Variants in SIL1 observed in about 807,000 individuals in gnomAD.
SIL1 encodes the protein SIL1 nucleotide exchange factor.
Under a neutral mutation model 49.1 loss-of-function variants are expected in SIL1, and 40 were observed. The ratio of observed to expected loss-of-function variants is 0.81; its 90% CI spans 0.63 to 1.06. The LOEUF (loss-of-function observed/expected upper bound fraction) is 1.06, where lower values mean the gene tolerates loss of function less well. Among genes scored for constraint, SIL1 ranks in the 50% least tolerant of loss-of-function variants. The pLI is 0.00. For missense variants in SIL1, 500 were observed against 572.6 expected, an observed-to-expected ratio of 0.87 and a Z score of 1.29; for synonymous variants, 253 against 250.8, an observed-to-expected ratio of 1.01 and a Z score of -0.08.
chr5:138,948,057 G>C lies in SIL1; in HGVS notation c.1030-584C>G, dbSNP rs1432129727. Among the ~76,000 whole-genome samples the C allele has an allele frequency of 1.3e-5, 2 of 152,206 alleles. No homozygotes were observed. The highest frequency in any genetic ancestry group is 3.9e-4 in the East Asian group (2 of 5,182). The stretch of plus-strand genomic sequence containing the variant: ...GAAGGTCAGAGGTAGAGGGTTGGGA[G>C]GGGGCAGAGATCTCCCGTGCAGCTG... On this transcript the variant is annotated intron_variant, in intron 9 of 9. Transcript: ENST00000394817. The surrounding 1 kb of genome is among the most constrained non-coding windows in gnomAD (Gnocchi z 4.8).
At chr5:139,134,848 A>G (rs907218587) in intron 1 of SIL1, among the ~76,000 whole-genome samples, 1 of 152,184 alleles carries the variant, frequency 6.6e-6, no homozygotes, top group Non-Finnish European at 1.5e-5. Context: ...ACACACATTC[A>G]TTACTATTTA....
At chr5:138,961,621 G>A (rs1019179282) in intron 7 of SIL1, among the ~76,000 whole-genome samples, 9 of 151,966 alleles carry the variant, frequency 5.9e-5, no homozygotes, top group Non-Finnish European at 1.0e-4. Context: ...CACTGTTCTC[G>A]GAGGTTGCAT....
At chr5:139,056,745 C>T (rs913374143) in intron 3 of SIL1, among the ~76,000 whole-genome samples, 2 of 151,552 alleles carry the variant, frequency 1.3e-5, no homozygotes, top group Admixed American at 6.6e-5. Flanking sequence ...AGGTGAGGGG[C>T]GCCTCTGCCT....
At chr5:139,128,047 TA>T in intron 1 of SIL1, 194 bp from the exon 2 acceptor site, 1 of 613,572 alleles carries the variant, frequency 1.6e-6, no homozygotes, top group East Asian at 3.4e-5. Context: ...CAACAAGAGA[TA>T]TGCCCTGGGT....
intron 7 of SIL1, among the ~76,000 whole-genome samples, chr5:138,990,459 TTTTTA>T (rs1256695527): frequency 6.6e-6 from 1 of 152,204 alleles, no homozygotes; most frequent in African/African-American, 2.4e-5. Flanking sequence ...TCCAGCTGGC[TTTTTA>T]TTTATTTTGA....
Position 138,947,291 on chromosome 5 carries a change from G to C in SIL1, c.1212C>G (p.Leu404=). 1 of 1,613,494 alleles carries C rather than the reference G, an allele frequency of 6.2e-7. No homozygotes were observed. The highest frequency in any genetic ancestry group is 8.5e-7 in the Non-Finnish European group (1 of 1,180,024). The change falls in exon 10 of 10, where the codon CTC becomes CTG. Residue 404 remains leucine, a synonymous_variant. Coordinates refer to ENST00000394817, the MANE Select transcript of SIL1 (RefSeq NM_022464.5). The surrounding 1 kb of genome is among the most constrained non-coding windows in gnomAD (Gnocchi z 4.1). ...GGTAGCGGTCCCGGCAGGTGGTCAG[G>C]AGGACGCCCAGTGTCTGCAGCACCT... ...REKVLQTLGV[L]LTTCRDRYRQ...
chr5:139,145,620 G>A (rs1268506025), intron 1 of SIL1, among the ~76,000 whole-genome samples: 27 of 134,820 alleles, frequency 2.0e-4, no homozygotes, highest in African/African-American at 7.2e-4. Flanking sequence ...GTGGGTGTGG[G>A]TGTGGGGGCG....
intron 7 of SIL1, among the ~76,000 whole-genome samples, chr5:139,003,431 G>A (rs574105035): frequency 2.6e-4 from 39 of 152,172 alleles, no homozygotes; most frequent in Non-Finnish European, 5.3e-4. Context: ...TGAGGGAGAC[G>A]TCTTATGTGA....
intron 3 of SIL1, among the ~76,000 whole-genome samples, chr5:139,075,816 C>G (rs1217339825): frequency 6.6e-6 from 1 of 152,184 alleles, no homozygotes; most frequent in Non-Finnish European, 1.5e-5. Flanking sequence ...ATGACAGAAT[C>G]TGCAATGACC....
intron 1 of SIL1, among the ~76,000 whole-genome samples, chr5:139,159,852 A>G (rs1751474070): frequency 6.6e-6 from 1 of 152,176 alleles, no homozygotes; most frequent in Non-Finnish European, 1.5e-5. Flanking sequence ...CTTACTCAGG[A>G]TTTAAGAAAG....
At chr5:139,056,944 T>C (rs980158561) in intron 3 of SIL1, among the ~76,000 whole-genome samples, 32 of 152,042 alleles carry the variant, frequency 2.1e-4, no homozygotes, top group African/African-American at 7.0e-4. Context: ...GAAGTAGACA[T>C]GGGAGACTTT....
intron 1 of SIL1, among the ~76,000 whole-genome samples, chr5:139,189,173 A>G (rs924445574): frequency 1.3e-5 from 2 of 152,060 alleles, no homozygotes; most frequent in African/African-American, 2.4e-5. Flanking sequence ...GGGGTCCCAA[A>G]CCCCCGATAC....
chr5:139,139,885 T>C (rs1307140329), intron 1 of SIL1, among the ~76,000 whole-genome samples: 2 of 151,978 alleles, frequency 1.3e-5, no homozygotes, highest in Non-Finnish European at 2.9e-5. Context: ...TCCCAAAACT[T>C]TGGGAGGCTG....
chr5:139,060,750 C>T (rs963763627), intron 3 of SIL1, among the ~76,000 whole-genome samples: 2 of 152,118 alleles, frequency 1.3e-5, no homozygotes, highest in African/African-American at 4.8e-5. Flanking sequence ...CTATCAGACA[C>T]AGTTCAATGT....
intron 1 of SIL1, among the ~76,000 whole-genome samples, chr5:139,189,606 G>C (rs189027410): frequency 1.4e-4 from 21 of 152,346 alleles, no homozygotes; most frequent in Admixed American, 3.3e-4. Context: ...TGGATCACCT[G>C]AGGTCAGGAG....
chr5:138,968,025 C>A (rs149381835), intron 7 of SIL1, among the ~76,000 whole-genome samples: 1 of 152,210 alleles, frequency 6.6e-6, no homozygotes, highest in African/African-American at 2.4e-5. Context: ...CAAGTCTTAA[C>A]CTGGAAGGGA....
At chr5:138,951,471 G>T in intron 8 of SIL1, 136 bp from the exon 9 acceptor site, 1 of 896,154 alleles carries the variant, frequency 1.1e-6, no homozygotes, top group Non-Finnish European at 1.7e-6. Flanking sequence ...CTATACCCCA[G>T]AACCCAGGAC....
At chr5:139,072,973 C>A (rs1769868906) in intron 3 of SIL1, among the ~76,000 whole-genome samples, 1 of 152,120 alleles carries the variant, frequency 6.6e-6, no homozygotes, top group Admixed American at 6.5e-5. Context: ...CATCACTAAT[C>A]ATCAGGGAAA....
At chr5:139,003,072 C>A (rs990830093) in intron 7 of SIL1, among the ~76,000 whole-genome samples, 5 of 152,124 alleles carry the variant, frequency 3.3e-5, no homozygotes, top group Admixed American at 2.6e-4. Context: ...TGGGGGACAG[C>A]AGCCCAAGGC....
Sources: allele counts gnomAD v4.1 joint callset (sites outside exome capture counted in the v4.1 genomes callset), GRCh38; gene constraint gnomAD v4.1.1; non-coding constraint Gnocchi (gnomAD v3.1); transcripts MANE v1.5; gene names NCBI Gene and HGNC (gene_info 2026-07-23, HGNC 2026-07-21).